PRRC2C: variants seen among roughly 807,000 people sequenced by gnomAD.
The protein encoded by PRRC2C is protein PRRC2C.
In PRRC2C, 72 loss-of-function variants were observed where a neutral mutation model predicts 317.2. That is an observed-to-expected ratio of 0.23 (90% CI 0.19 to 0.28). PRRC2C has a LOEUF of 0.28. PRRC2C is among the 10% of genes least tolerant of loss of function. The pLI, the probability that PRRC2C is intolerant of heterozygous loss-of-function variation, is 1.00. For missense variants in PRRC2C, 3,074 were observed against 3,459.7 expected, an observed-to-expected ratio of 0.89 and a Z score of 2.80; for synonymous variants, 1,296 against 1,205.9, an observed-to-expected ratio of 1.07 and a Z score of -1.55.
chr1:171,531,665 G>A (rs1284488911), intron 11 of PRRC2C, among the ~76,000 whole-genome samples: 1 of 152,114 alleles, frequency 6.6e-6, no homozygotes, highest in Non-Finnish European at 1.5e-5. Flanking sequence ...TTTAAAACCT[G>A]TCATTGTTTT....
chr1:171,585,017 TCTGC>T (rs1172176940), intron 30 of PRRC2C, among the ~76,000 whole-genome samples: 1 of 152,184 alleles, frequency 6.6e-6, no homozygotes, highest in Non-Finnish European at 1.5e-5. Flanking sequence ...TTTCAAGCGA[TCTGC>T]CTGCCTCGGC....
At chr1:171,525,190 A>C (rs1674339312) in intron 10 of PRRC2C, among the ~76,000 whole-genome samples, 1 of 152,204 alleles carries the variant, frequency 6.6e-6, no homozygotes, top group Non-Finnish European at 1.5e-5. Context: ...CTAAAGCTTC[A>C]CATTTTTTTT....
intron 15 of PRRC2C, 69 bp from the exon 16 acceptor site, chr1:171,539,902 T>G: frequency 7.9e-7 from 1 of 1,268,396 alleles, no homozygotes; most frequent in Non-Finnish European, 1.1e-6. Flanking sequence ...AGAGGGATTA[T>G]TTTGCTATAT....
intron 1 of PRRC2C, among the ~76,000 whole-genome samples, chr1:171,498,302 T>C (rs1016573516): frequency 1.1e-4 from 16 of 152,298 alleles, no homozygotes; most frequent in South Asian, 8.3e-4. Context: ...CTGTTGGTAC[T>C]GAAGGCTGGA....
At position 171,507,380 on chromosome 1, in the gene PRRC2C, G is replaced by A. The variant is rs570531242; in HGVS notation, c.-57-4652G>A. ...AATCGCAGCACTTTGGGAGGCCGAG[G>A]ACGGTGGATCACCTGAGATCAGGAG... On this transcript the variant is annotated intron_variant, in intron 1 of 34. Transcript: ENST00000647382. 9.2e-5 allele frequency among the ~76,000 whole-genome samples: 14 copies of A among 152,306 alleles called. 1 individual carries two copies. Among genetic ancestry groups the A allele is most frequent in the African/African-American group, 3.4e-4 (14 of 41,580 alleles).
intron 15 of PRRC2C, 46 bp downstream of exon 15, chr1:171,537,519 A>G (rs772051209): frequency 1.2e-5 from 18 of 1,491,062 alleles, no homozygotes; most frequent in Non-Finnish European, 1.6e-5. Flanking sequence ...ATATTTTGGT[A>G]AAAGGAAAAC....
At chr1:171,555,417 T>G (rs1571979728) in intron 18 of PRRC2C, among the ~76,000 whole-genome samples, 1 of 152,216 alleles carries the variant, frequency 6.6e-6, no homozygotes, top group Non-Finnish European at 1.5e-5. Flanking sequence ...ACGTCCTCCT[T>G]TAGCTCAGAG....
At position 171,523,477 on chromosome 1, in the gene PRRC2C, GTGA is replaced by G; in HGVS notation, c.1020_1022del (p.Asp340del). Reference sequence around the variant, plus strand: ...GATTATACAGAGCAACTGAATTTCAGTGATGATGATGAACAAGGAAGTAACAGT... The same window carrying G: ...GATTATACAGAGCAACTGAATTTCAGTGATGATGAACAAGGAAGTAACAGT... On this transcript the variant is annotated inframe_deletion, in exon 9 of 35. Coordinates refer to ENST00000647382, the MANE Select transcript of PRRC2C (RefSeq NM_001387844.1). The G allele has an allele frequency of 6.2e-7, 1 of 1,612,602 alleles. No individual in the cohort carries two copies. Among genetic ancestry groups the G allele is most frequent in the Non-Finnish European group, 8.5e-7 (1 of 1,179,728 alleles).
intron 1 of PRRC2C, among the ~76,000 whole-genome samples, chr1:171,502,158 G>T (rs1055550389): frequency 6.6e-6 from 1 of 152,110 alleles, no homozygotes; most frequent in Non-Finnish European, 1.5e-5. Flanking sequence ...TGTGACTTTT[G>T]CCTACTCTGA....
intron 1 of PRRC2C, among the ~76,000 whole-genome samples, chr1:171,488,535 C>T (rs1367132641): frequency 2.6e-5 from 4 of 152,146 alleles, no homozygotes; most frequent in African/African-American, 9.7e-5. Context: ...ACTCTGTTGC[C>T]CTGGCTGGCC....
At chr1:171,563,338 T>C (rs1683045517) in intron 20 of PRRC2C, among the ~76,000 whole-genome samples, 1 of 152,194 alleles carries the variant, frequency 6.6e-6, no homozygotes, top group African/African-American at 2.4e-5. Flanking sequence ...TAATACAATG[T>C]AAATGCTATG....
intron 1 of PRRC2C, among the ~76,000 whole-genome samples, chr1:171,491,280 C>G (rs959145989): frequency 3.9e-5 from 6 of 152,148 alleles, no homozygotes; most frequent in African/African-American, 1.4e-4. Context: ...TGCCAGTGAA[C>G]AATCTGAAGG....
intron 1 of PRRC2C, among the ~76,000 whole-genome samples, chr1:171,506,369 A>AT (rs1345056779): frequency 8.6e-5 from 13 of 151,820 alleles, no homozygotes; most frequent in Non-Finnish European, 1.6e-4. Flanking sequence ...TACTTTTAAG[A>AT]TTTTCTCTTT....
At chr1:171,533,771 G>T (rs1201682993) in intron 12 of PRRC2C, among the ~76,000 whole-genome samples, 2 of 152,050 alleles carry the variant, frequency 1.3e-5, no homozygotes, top group South Asian at 4.1e-4. Flanking sequence ...CTACAGGCGC[G>T]TGCCACCGCA....
intron 19 of PRRC2C, among the ~76,000 whole-genome samples, chr1:171,559,786 G>A (rs930689566): frequency 6.6e-6 from 1 of 151,998 alleles, no homozygotes; most frequent in Non-Finnish European, 1.5e-5. Flanking sequence ...CTCCCAAAGT[G>A]CTGGGATTAC....
chr1:171,495,765 G>A (rs981827139), intron 1 of PRRC2C, among the ~76,000 whole-genome samples: 2 of 152,148 alleles, frequency 1.3e-5, no homozygotes, highest in South Asian at 2.1e-4. Flanking sequence ...AAATTTGAGT[G>A]ATAAAATTCT....
chr1:171,499,519 G>A (rs1050011431), intron 1 of PRRC2C, among the ~76,000 whole-genome samples: 5 of 152,170 alleles, frequency 3.3e-5, no homozygotes, highest in African/African-American at 1.2e-4. Context: ...GGCCGGGCAC[G>A]GTGGCTCACG....
chr1:171,519,320 G>C (rs1673110878), intron 6 of PRRC2C, among the ~76,000 whole-genome samples: 1 of 152,150 alleles, frequency 6.6e-6, no homozygotes. Flanking sequence ...CTAATTCCTT[G>C]ATATTCTCAA....
chr1:171,549,979 C>A, intron 17 of PRRC2C, 107 bp from the exon 18 acceptor site: 1 of 821,858 alleles, frequency 1.2e-6, no homozygotes, highest in Non-Finnish European at 1.7e-6. Flanking sequence ...AGGAACTAGG[C>A]CTTTGGCTAG....
Sources: gnomAD v4.1 joint callset for allele counts (sites outside exome capture counted in the v4.1 genomes callset) on GRCh38, gnomAD v4.1.1 for gene constraint, MANE v1.5 for transcripts, NCBI Gene and HGNC (gene_info 2026-07-23, HGNC 2026-07-21) for gene names.